The following PHF24 variants were observed in gnomAD, a reference collection of about 807,000 sequenced individuals.
The protein encoded by PHF24 is Galpha inhibitory interacting protein.
In PHF24, 25 loss-of-function variants were observed where a neutral mutation model predicts 42.6. The observed-to-expected ratio is 0.59, with a 90% CI of 0.43 to 0.82. The LOEUF is 0.82. Ranked by LOEUF, PHF24 falls within the 40% of genes least tolerant of loss-of-function variation. The probability of loss-of-function intolerance (pLI) is 0.00; values close to 1 mark genes in which losing one functional copy is unlikely to be tolerated. For missense variants in PHF24, 470 were observed against 538.1 expected, an observed-to-expected ratio of 0.87 and a Z score of 1.25; for synonymous variants, 185 against 204.8, an observed-to-expected ratio of 0.90 and a Z score of 0.83.
the PHF24 span, among the ~76,000 whole-genome samples, chr9:34,874,316 G>T: frequency 2.0e-5 from 3 of 152,178 alleles, no homozygotes; most frequent in Non-Finnish European, 4.4e-5. Context: ...CATTCAGTAT[G>T]CAGAAAAGGC....
chr9:34,829,594 A>T, the PHF24 span, among the ~76,000 whole-genome samples: 1 of 152,142 alleles, frequency 6.6e-6, no homozygotes, highest in African/African-American at 2.4e-5. Flanking sequence ...ACAACCTCAC[A>T]CCTTATAGCA....
At chr9:34,963,730 C>G (rs1337445211) in intron 1 of PHF24, among the ~76,000 whole-genome samples, 1 of 152,194 alleles carries the variant, frequency 6.6e-6, no homozygotes, top group Non-Finnish European at 1.5e-5. Flanking sequence ...TAACTCTCCT[C>G]TGTAGTCAGA....
chr9:34,929,028 G>T, the PHF24 span, among the ~76,000 whole-genome samples: 1 of 152,134 alleles, frequency 6.6e-6, no homozygotes, highest in South Asian at 2.1e-4. Flanking sequence ...CTTCACAGAT[G>T]CTGTGCTATA....
the PHF24 span, among the ~76,000 whole-genome samples, chr9:34,730,612 G>A: frequency 1.3e-5 from 2 of 152,192 alleles, no homozygotes; most frequent in Non-Finnish European, 2.9e-5. Context: ...TCAAAGACAA[G>A]ACTAATTCAT....
chr9:34,724,983 C>G, the PHF24 span: 1 of 1,551,958 alleles, frequency 6.4e-7, no homozygotes, highest in South Asian at 1.2e-5. Context: ...GTGACAGTAC[C>G]TGGTAAAGCC....
chr9:34,871,822 T>C, the PHF24 span, among the ~76,000 whole-genome samples: 1 of 152,210 alleles, frequency 6.6e-6, no homozygotes, highest in Non-Finnish European at 1.5e-5. Context: ...AGTTGAGTAG[T>C]ATCAGTCCTC....
chr9:34,873,159 G>C, the PHF24 span, among the ~76,000 whole-genome samples: 1 of 151,276 alleles, frequency 6.6e-6, no homozygotes, highest in Non-Finnish European at 1.5e-5. Context: ...TAGGTTGCCT[G>C]TTCACTCTGA....
exon 8 of PHF24, chr9:34,979,703 G>A (rs1025722136): frequency 2.0e-5 from 3 of 152,226 alleles, no homozygotes; most frequent in African/African-American, 7.2e-5. Flanking sequence ...AAAGCAAGGA[G>A]CTGCGGCCAG....
chr9:34,724,224 G>A, the PHF24 span: 2 of 1,551,368 alleles, frequency 1.3e-6, no homozygotes, highest in African/African-American at 2.7e-5. Flanking sequence ...CAAGGCATGT[G>A]GGCCTCTGTC....
At chr9:34,771,651 C>T in the PHF24 span, among the ~76,000 whole-genome samples, 1 of 152,100 alleles carries the variant, frequency 6.6e-6, no homozygotes, top group Non-Finnish European at 1.5e-5. Flanking sequence ...GCCATTTTAT[C>T]ATATGTGTAG....
At chr9:34,691,468 TC>T in the PHF24 span, among the ~76,000 whole-genome samples, 3 of 152,086 alleles carry the variant, frequency 2.0e-5, no homozygotes, top group Non-Finnish European at 4.4e-5. Flanking sequence ...AGAACTTAAG[TC>T]TGCAGTCTGG....
At chr9:34,787,573 C>T in the PHF24 span, among the ~76,000 whole-genome samples, 1 of 152,122 alleles carries the variant, frequency 6.6e-6, no homozygotes. Flanking sequence ...AAGTGTAAGT[C>T]TTTATGTTAT....
chr9:34,893,197 G>T, the PHF24 span: 1 of 470,376 alleles, frequency 2.1e-6, no homozygotes. Context: ...AGTGACATCT[G>T]CCTTCTCGGA....
the PHF24 span, among the ~76,000 whole-genome samples, chr9:34,849,728 A>C: frequency 6.6e-6 from 1 of 152,198 alleles, no homozygotes; most frequent in Admixed American, 6.5e-5. Flanking sequence ...ATGATTTTGC[A>C]GTGGCTGGTT....
At position 34,976,533 on chromosome 9, in the gene PHF24, A is replaced by C; in HGVS notation, c.644-2A>C. 6.2e-7 allele frequency: 1 copy of C among 1,609,692 alleles called. No individual in the cohort carries two copies. The highest frequency in any genetic ancestry group is 8.5e-7 in the Non-Finnish European group (1 of 1,176,704). On this transcript the variant is annotated splice_acceptor_variant, in intron 4 of 7. Transcript: ENST00000242315. LOFTEE classifies it high-confidence loss of function. ...ATGGCTAGCACGGGGTGCCTCCCAC[A>C]GATTGCTCCCTGACACTGGAGGACT...
the PHF24 span, among the ~76,000 whole-genome samples, chr9:34,825,893 C>T: frequency 5.3e-5 from 8 of 152,280 alleles, no homozygotes; most frequent in East Asian, 1.9e-4. Context: ...CCCTTCCCAC[C>T]GTCTGGATTC....
chr9:34,885,354 C>T, the PHF24 span, among the ~76,000 whole-genome samples: 62 of 152,262 alleles, frequency 4.1e-4, 1 homozygote, highest in South Asian at 0.011. Context: ...AGGTCCTGTC[C>T]GAGGAAGAAA....
chr9:34,977,008 T>G, intron 5 of PHF24, 75 bp from the exon 6 acceptor site: 19 of 1,477,758 alleles, frequency 1.3e-5, no homozygotes, highest in Non-Finnish European at 1.6e-5. Flanking sequence ...AAGGTGGTAA[T>G]GGAGATAGGA....
At chr9:34,927,703 C>T in the PHF24 span, among the ~76,000 whole-genome samples, 18 of 152,258 alleles carry the variant, frequency 1.2e-4, no homozygotes, top group South Asian at 3.7e-3. Flanking sequence ...CCAGTGCTTC[C>T]TCGCTGCCCT....
Sources: allele counts gnomAD v4.1 joint callset (sites outside exome capture counted in the v4.1 genomes callset), GRCh38; gene constraint gnomAD v4.1.1; transcripts MANE v1.5; gene names NCBI Gene and HGNC (gene_info 2026-07-23, HGNC 2026-07-21).